The following IMPA1 variants were observed in gnomAD, a reference collection of about 807,000 sequenced individuals.
IMPA1 encodes D-galactose 1-phosphate phosphatase.
A neutral mutation model predicts 34.9 loss-of-function variants in IMPA1; 21 were observed. The ratio of observed to expected loss-of-function variants is 0.60; its 90% confidence interval spans 0.43 to 0.87. The LOEUF (loss-of-function observed/expected upper bound fraction) is 0.87. Ranked by LOEUF, IMPA1 falls within the 40% of genes least tolerant of loss-of-function variation. The pLI is 0.00. For synonymous variants in IMPA1, 95 were observed against 104.4 expected, an observed-to-expected ratio of 0.91 and a Z score of 0.55; for missense variants, 299 against 336.4, an observed-to-expected ratio of 0.89 and a Z score of 0.87.
At chr8:81,662,421 G>A (rs972970145) in intron 7 of IMPA1, among the ~76,000 whole-genome samples, 2 of 152,128 alleles carry the variant, frequency 1.3e-5, no homozygotes, top group Admixed American at 6.6e-5. Flanking sequence ...GGGATCTCAA[G>A]CAAATGGTCT....
Position 81,680,765 on chromosome 8 carries a change from T to G in IMPA1, c.82A>C (p.Lys28Gln), listed in dbSNP as rs1196010872. Reference protein sequence around the residue: ...QAGEVVCEAIKNEMNVMLKSS... With the variant: ...QAGEVVCEAIQNEMNVMLKSS... Reference sequence around the variant, plus strand: ...TTCAGCATAACATTCATTTCATTTTTTATAGCTTCACAAACTACCTAAAAA... The same window carrying G: ...TTCAGCATAACATTCATTTCATTTTGTATAGCTTCACAAACTACCTAAAAA... The change falls in exon 3 of 9, where the codon AAA (lysine) becomes CAA (glutamine). Residue 28 changes from lysine to glutamine, a missense_variant. Lys to Gln is a moderately conservative substitution (Grantham distance 53). Transcript: ENST00000256108. The G allele has an allele frequency of 6.2e-7, 1 of 1,607,184 alleles. No individual in the cohort carries two copies.
chr8:81,684,995 A>T (rs1807455964), intron 1 of IMPA1, among the ~76,000 whole-genome samples: 1 of 135,098 alleles, frequency 7.4e-6, no homozygotes, highest in Non-Finnish European at 1.5e-5. Flanking sequence ...AAGTATATTT[A>T]GATACTATAT....
At chr8:81,673,480 G>A (rs150569359) in intron 6 of IMPA1, among the ~76,000 whole-genome samples, 17 of 152,046 alleles carry the variant, frequency 1.1e-4, no homozygotes, top group African/African-American at 3.4e-4. Flanking sequence ...CAACCACCTC[G>A]GGCACATGTC....
chr8:81,684,136 CAT>C (rs1353167220), intron 1 of IMPA1, among the ~76,000 whole-genome samples: 10 of 116,738 alleles, frequency 8.6e-5, no homozygotes, highest in East Asian at 2.3e-4. Context: ...CACATACACA[CAT>C]ACACACACAC....
chr8:81,680,830 C>A (rs189490096), intron 2 of IMPA1, 47 bp from the exon 3 acceptor site: 1 of 1,399,056 alleles, frequency 7.1e-7, no homozygotes, highest in South Asian at 1.2e-5. Context: ...TAATTTTAAA[C>A]AAAAAGATAA....
At chr8:81,673,778 T>C in intron 6 of IMPA1, 63 bp downstream of exon 6, 1 of 934,904 alleles carries the variant, frequency 1.1e-6, no homozygotes, top group Non-Finnish European at 1.7e-6. Flanking sequence ...AGGTGAATAT[T>C]AAAAAACAAT....
intron 1 of IMPA1, among the ~76,000 whole-genome samples, chr8:81,685,504 T>C (rs931593875): frequency 9.7e-5 from 14 of 144,240 alleles, no homozygotes; most frequent in African/African-American, 3.5e-4. Context: ...TAAGTATATA[T>C]ACGTAAGTAT....
Position 81,664,893 on chromosome 8 carries a change from A to G in IMPA1, c.567-4226T>C, listed in dbSNP as rs979549738. On this transcript the variant is annotated intron_variant, in intron 7 of 8. Transcript: ENST00000256108. Reference sequence around the variant, plus strand: ...AATAACAAAAAAAAGAAAAAGGAAAAAAAGAAAAAAAAAAAGAGTGAAAAC... The same window carrying G: ...AATAACAAAAAAAAGAAAAAGGAAAGAAAGAAAAAAAAAAAGAGTGAAAAC... Among the ~76,000 whole-genome samples the G allele has an allele frequency of 2.7e-5, 4 of 146,954 alleles. No individual in the cohort carries two copies. The South Asian group carries it at 8.5e-4, about 31-fold the overall frequency.
intron 3 of IMPA1, among the ~76,000 whole-genome samples, chr8:81,679,840 G>T (rs1245051579): frequency 1.3e-5 from 2 of 152,028 alleles, no homozygotes; most frequent in African/African-American, 4.8e-5. Context: ...GAAATGTAAT[G>T]ATTTTAAAAA....
intron 6 of IMPA1, 54 bp downstream of exon 6, chr8:81,673,787 A>G (rs1807056948): frequency 2.0e-6 from 2 of 1,001,046 alleles, no homozygotes; most frequent in South Asian, 2.6e-5. Context: ...TTAAAAAACA[A>G]TAAAATATTG....
At chr8:81,674,001 T>A in intron 5 of IMPA1, 52 bp from the exon 6 acceptor site, 1 of 1,097,592 alleles carries the variant, frequency 9.1e-7, no homozygotes, top group South Asian at 1.3e-5. Flanking sequence ...TTTCATCCAC[T>A]TTTTTCTAAG....
At chr8:81,664,933 G>T (rs1366161524) in intron 7 of IMPA1, among the ~76,000 whole-genome samples, 1 of 150,058 alleles carries the variant, frequency 6.7e-6, no homozygotes, top group Non-Finnish European at 1.5e-5. Context: ...GGACCCTGCA[G>T]AAATGAATGA....
At chr8:81,671,098 A>G (rs1806976761) in intron 6 of IMPA1, 51 bp from the exon 7 acceptor site, 2 of 824,838 alleles carry the variant, frequency 2.4e-6, no homozygotes, top group African/African-American at 3.6e-5. Flanking sequence ...AAAATACCTG[A>G]CACTTGTAAT....
At chr8:81,674,160 G>A in intron 5 of IMPA1, 1 of 462,862 alleles carries the variant, frequency 2.2e-6, no homozygotes, top group Admixed American at 3.6e-5. Flanking sequence ...TCCAAGTCCA[G>A]ATCTAAGAAC....
intron 7 of IMPA1, 140 bp downstream of exon 7, chr8:81,670,799 T>C (rs1585894779): frequency 5.8e-6 from 3 of 520,876 alleles, no homozygotes; most frequent in Non-Finnish European, 6.8e-6. Flanking sequence ...AGTGGTTTCA[T>C]GGTTATGGAA....
At chr8:81,662,327 C>T (rs1367297493) in intron 7 of IMPA1, among the ~76,000 whole-genome samples, 2 of 152,172 alleles carry the variant, frequency 1.3e-5, no homozygotes, top group African/African-American at 2.4e-5. Context: ...TTCCCTGGTA[C>T]TCTATTCAGA....
At position 81,657,942 on chromosome 8, in the gene IMPA1, TAATAAA is replaced by T. The variant is rs757812443; in HGVS notation, c.*1403_*1408del. 7 of 152,062 alleles carry T rather than the reference TAATAAA, an allele frequency of 4.6e-5. No homozygotes were observed. Among genetic ancestry groups the T allele is most frequent in the Non-Finnish European group, 8.8e-5 (6 of 67,990 alleles). The allele number at this position is 152,062 out of a possible 1,614,324, so 9.4% of individuals were successfully genotyped here. On this transcript the variant is annotated 3_prime_UTR_variant, in exon 9 of 9. Coordinates refer to ENST00000256108, the MANE Select transcript of IMPA1 (RefSeq NM_005536.4). ...ATAATAATAATGATAATGGTAATAA[TAATAAA>T]AATATCAATTTAAAGTTTTATTCAT...
At chr8:81,673,991 T>C (rs1338869387) in intron 5 of IMPA1, 42 bp from the exon 6 acceptor site, 1 of 1,162,984 alleles carries the variant, frequency 8.6e-7, no homozygotes, top group Non-Finnish European at 1.3e-6. Flanking sequence ...CCTAAGTATG[T>C]TTCATCCACT....
Position 81,659,364 on chromosome 8 carries a change from T to A in IMPA1, c.821A>T (p.Asp274Val). Residue 274 changes from aspartate to valine, a missense_variant, in exon 9 of 9, where the codon GAC (aspartate) becomes GTC (valine). By Grantham distance (152) the Asp-to-Val change is radical. Transcript: ENST00000256108. ...KEIQVIPLQR[D>V]DED Reference sequence around the variant, plus strand: ...AGGCTGCCTTAATTAATCTTCGTCGTCTCGTTGCAAAGGTATAACCTGAAT... The same window carrying A: ...AGGCTGCCTTAATTAATCTTCGTCGACTCGTTGCAAAGGTATAACCTGAAT... 1 of 1,597,970 alleles carries A rather than the reference T, an allele frequency of 6.3e-7. No individual in the cohort carries two copies. Among genetic ancestry groups the A allele is most frequent in the South Asian group, 1.1e-5 (1 of 90,740 alleles).
Sources: gnomAD v4.1 joint callset for allele counts (sites outside exome capture counted in the v4.1 genomes callset) on GRCh38, gnomAD v4.1.1 for gene constraint, MANE v1.5 for transcripts, NCBI Gene and HGNC (gene_info 2026-07-23, HGNC 2026-07-21) for gene names.